IDUA: variants seen among roughly 807,000 people sequenced by gnomAD.
The protein encoded by IDUA is alpha-L-iduronidase, also known as iduronidase alpha-L-.
Under a neutral mutation model 68.9 loss-of-function variants are expected in IDUA, and 65 were observed. The observed-to-expected ratio is 0.94, with a 90% confidence interval of 0.77 to 1.16. The LOEUF is 1.16. Ranked by LOEUF, IDUA falls within the 50% of genes most tolerant of loss-of-function variation. The pLI, the probability that IDUA is intolerant of heterozygous loss-of-function variation, is 0.00. For missense variants in IDUA, 1,046 were observed against 938.0 expected (o/e 1.12, Z -1.50); for synonymous variants, 529 against 433.6 (o/e 1.22, Z -2.73).
chr4:1,003,567 C>T lies in IDUA; in HGVS notation c.1669C>T (p.Leu557=), dbSNP rs945600758. ...PPGQVTRLRA[L]PLTQGQLVLV... ...CCCCCAGGTCACGCGGCTCCGCGCC[C>T]TGCCCCTGACCCAAGGGCAGCTGGT... The change falls in exon 12 of 14, where the codon CTG becomes TTG. Residue 557 remains leucine, a synonymous_variant. Coordinates refer to ENST00000514224, the MANE Select transcript of IDUA (RefSeq NM_000203.5). 1.2e-5 allele frequency: 19 copies of T among 1,612,300 alleles called. No homozygotes were observed. Among genetic ancestry groups the T allele is most frequent in the Non-Finnish European group, 1.6e-5 (19 of 1,179,824 alleles).
chr4:1,003,500 G>A (rs1347474281), intron 11 of IDUA, 30 bp downstream of exon 11: 2 of 1,598,030 alleles, frequency 1.3e-6, no homozygotes, highest in African/African-American at 1.3e-5. Flanking sequence ...CCCGCGCCGC[G>A]GCCCGGACTC....
rs1162407071 is a variant in IDUA, at chr4:1,000,898, C to A, written c.402C>A (p.Gly134=). 1 of 1,613,188 alleles carries A rather than the reference C, an allele frequency of 6.2e-7. No individual in the cohort carries two copies. Among genetic ancestry groups the A allele is most frequent in the South Asian group, 1.1e-5 (1 of 91,084 alleles). The change falls in exon 4 of 14, where the codon GGC becomes GGA. Residue 134 remains glycine, a synonymous_variant. Coordinates refer to ENST00000514224, the MANE Select transcript of IDUA (RefSeq NM_000203.5). ...NQLLPGFELM[G]SASGHFTDFE... is the part of the protein sequence containing the mutation. ...GTGTTCCAGGGTTTGAGCTGATGGG[C>A]AGCGCCTCGGGCCACTTCACTGACT...
In IDUA at chr4:1,003,307, T is replaced by C. The variant is rs1131853; in HGVS notation, c.1525-38T>C. The C allele has an allele frequency of 0.22, 308,558 of 1,403,314 alleles. 35,057 individuals are homozygous for C. Among genetic ancestry groups the C allele is most frequent in the Middle Eastern group, 0.35 (1,340 of 3,828 alleles). 86.9% of individuals were successfully genotyped at this position (1,403,314 alleles called of 1,614,324 possible). A position where few individuals can be genotyped will look rare whatever the true frequency, so the allele number is the denominator to read the frequency against. The stretch of plus-strand genomic sequence containing the variant: ...TGAGGTCGGGCCGAGCGTCCCCAGC[T>C]CCCCTGGAGAACCCTGAGGACCGGC... On this transcript the variant is annotated intron_variant, in intron 10 of 13. Transcript: ENST00000514224.
chr4:992,510 G>A (rs1714446032), intron 2 of IDUA, among the ~76,000 whole-genome samples: 1 of 152,226 alleles, frequency 6.6e-6, no homozygotes, highest in African/African-American at 2.4e-5. Context: ...GCCTGGACGG[G>A]GGCCCCATCA....
At chr4:988,361 C>A in intron 2 of IDUA, 6 of 1,076,788 alleles carry the variant, frequency 5.6e-6, no homozygotes, top group Non-Finnish European at 6.8e-6. Context: ...GTGTGAGGGG[C>A]ACTTGGGTGT....
rs4690224 is a variant in IDUA, at chr4:1,003,085, C to T, written c.1452C>T (p.Asp484=). 3.3e-6 allele frequency: 5 copies of T among 1,519,950 alleles called. No homozygotes were observed. Among genetic ancestry groups the T allele is most frequent in the South Asian group, 2.4e-5 (2 of 81,902 alleles). 94.2% of individuals were successfully genotyped at this position (1,519,950 alleles called of 1,614,324 possible). The part of the protein sequence containing the change: ...RYLDNGLCSP[D]GEWRRLGRPV... ...TGGACAACGGGCTCTGCAGCCCCGA[C>T]GGCGAGTGGCGGCGCCTGGGCCGGC... The change falls in exon 10 of 14, where the codon GAC becomes GAT. Residue 484 remains aspartate, a synonymous_variant. Coordinates refer to ENST00000514224, the MANE Select transcript of IDUA (RefSeq NM_000203.5).
chr4:987,231 C>A lies in IDUA; in HGVS notation c.147C>A (p.Ser49Arg). The A allele has an allele frequency of 6.6e-7, 1 of 1,509,400 alleles. No individual in the cohort carries two copies. The highest frequency in any genetic ancestry group is 8.8e-7 in the Non-Finnish European group (1 of 1,136,418). 93.5% of individuals were successfully genotyped at this position (1,509,400 alleles called of 1,614,324 possible). Residue 49 changes from serine (S) to arginine (R), a missense_variant, in exon 1 of 14, where the codon AGC (serine) becomes AGA (arginine). By Grantham distance (110) the Ser-to-Arg change is moderately radical. Coordinates refer to ENST00000514224, the MANE Select transcript of IDUA (RefSeq NM_000203.5). ...GGCCCCTGCGGCGCTTCTGGAGGAG[C>A]ACAGGCTTCTGGTGAGCGCTCCGCG... is the stretch of plus-strand genomic sequence containing the variant. ...ALWPLRRFWR[S>R]TGFCPPLPHS...
chr4:1,001,577 C>G lies in IDUA; in HGVS notation c.589+14C>G. ...TGACCATGCAAGGTGTGCACCGCTT[C>G]CTGGGGTCCTGCCCGGCTGAAAGGG... On this transcript the variant is annotated intron_variant, in intron 5 of 13. Coordinates refer to ENST00000514224, the MANE Select transcript of IDUA (RefSeq NM_000203.5). The G allele has an allele frequency of 5.0e-6, 8 of 1,612,556 alleles. No homozygotes were observed. The highest frequency in any genetic ancestry group is 3.4e-6 in the Non-Finnish European group (4 of 1,179,542).
chr4:1,001,594 C>T (rs761173437), intron 5 of IDUA, 31 bp downstream of exon 5: 24 of 1,609,728 alleles, frequency 1.5e-5, no homozygotes, highest in Non-Finnish European at 2.0e-5. Flanking sequence ...TCCTGCCCGG[C>T]TGAAAGGGGG....
At chr4:994,338 T>C (rs530022845) in intron 2 of IDUA, among the ~76,000 whole-genome samples, 17 of 151,776 alleles carry the variant, frequency 1.1e-4, no homozygotes, top group East Asian at 7.8e-4. Flanking sequence ...TGCAGTGGTG[T>C]GATCTCGGCT....
intron 2 of IDUA, among the ~76,000 whole-genome samples, chr4:995,403 C>T (rs1291313485): frequency 6.6e-6 from 1 of 151,918 alleles, no homozygotes; most frequent in Non-Finnish European, 1.5e-5. Flanking sequence ...CCGACTTTGA[C>T]AGTGAGTACT....
chr4:989,516 C>A, intron 2 of IDUA: 4 of 1,554,024 alleles, frequency 2.6e-6, no homozygotes, highest in Non-Finnish European at 3.5e-6. Flanking sequence ...GCGGTGCCTG[C>A]CCAGACCAGC....
In IDUA at chr4:1,002,886, C is replaced by A; in HGVS notation, c.1344C>A (p.Ala448=). The change falls in exon 9 of 14, where the codon GCC becomes GCA. Residue 448 remains alanine (A), a synonymous_variant. Coordinates refer to ENST00000514224, the MANE Select transcript of IDUA (RefSeq NM_000203.5). ...VLIYASDDTR[A]HPNRSVAVTL... Reference sequence around the variant, plus strand: ...TCTACGCGAGCGACGACACCCGCGCCCACCCCAACCGCAGCGTCGCGGTGA... The same window carrying A: ...TCTACGCGAGCGACGACACCCGCGCACACCCCAACCGCAGCGTCGCGGTGA... 7.0e-7 allele frequency: 1 copy of A among 1,430,748 alleles called. No individual in the cohort carries two copies. 88.6% of individuals were successfully genotyped at this position (1,430,748 alleles called of 1,614,324 possible).
rs2153022703 is a variant in IDUA at position 1,002,955 on chromosome 4, G to A, written c.1402+11G>A. The stretch of plus-strand genomic sequence containing the variant: ...TGCCCCCCGGCCCGGGTAAGCCGGG[G>A]TTCCAGGGAGGTCTCTGGCCCCGCT... On this transcript the variant is annotated intron_variant, in intron 9 of 13. Coordinates refer to ENST00000514224, the MANE Select transcript of IDUA (RefSeq NM_000203.5). The A allele has an allele frequency of 3.7e-6, 5 of 1,367,490 alleles. No individual in the cohort carries two copies. The highest frequency in any genetic ancestry group is 4.7e-6 in the Non-Finnish European group (5 of 1,066,800). 84.7% of individuals were successfully genotyped at this position (1,367,490 alleles called of 1,614,324 possible).
Position 1,001,738 on chromosome 4 carries a change from C to T in IDUA, c.649C>T (p.Arg217Trp), listed in dbSNP as rs1178237301. 1.3e-6 allele frequency: 2 copies of T among 1,598,818 alleles called. No homozygotes were observed. Among genetic ancestry groups the T allele is most frequent in the Admixed American group, 1.7e-5 (1 of 59,522 alleles). Residue 217 changes from arginine to tryptophan, a missense_variant, in exon 6 of 14, where the codon CGG becomes TGG. Transcript: ENST00000514224. Reference sequence around the variant, plus strand: ...TCTGCGCGCCGCCAGCCCCGCCCTGCGGCTGGGAGGCCCCGGCGACTCCTT... The same window carrying T: ...TCTGCGCGCCGCCAGCCCCGCCCTGTGGCTGGGAGGCCCCGGCGACTCCTT... ...EGLRAASPAL[R>W]LGGPGDSFHT...
intron 2 of IDUA, chr4:988,347 C>T (rs576223950): frequency 1.7e-5 from 18 of 1,085,194 alleles, no homozygotes; most frequent in East Asian, 7.1e-5. Context: ...GGGGGAGGCA[C>T]GAGGTGTGAG....
At position 987,103 on chromosome 4, in the gene IDUA, C is replaced by G. The variant is rs758122214; in HGVS notation, c.19C>G (p.Arg7Gly). The change falls in exon 1 of 14, where the codon CGC (arginine) becomes GGC (glycine). Residue 7 changes from arginine to glycine, a missense_variant. By Grantham distance (125) the Arg-to-Gly change is moderately radical (BLOSUM62 -2). Transcript: ENST00000514224. Reference protein sequence around the residue: MRPLRPRAALLALLASL... With the variant: MRPLRPGAALLALLASL... ...CGTGGCCATGCGTCCCCTGCGCCCC[C>G]GCGCCGCGCTGCTGGCGCTCCTGGC... is the stretch of plus-strand genomic sequence containing the variant. 1 of 1,458,204 alleles carries G rather than the reference C, an allele frequency of 6.9e-7. No homozygotes were observed. The highest frequency in any genetic ancestry group is 2.4e-5 in the Admixed American group (1 of 41,402). 90.3% of individuals were successfully genotyped at this position (1,458,204 alleles called of 1,614,324 possible).
intron 8 of IDUA, 39 bp downstream of exon 8, chr4:1,002,524 C>G: frequency 1.4e-6 from 2 of 1,448,824 alleles, no homozygotes; most frequent in South Asian, 1.4e-5. Flanking sequence ...CCAGGGCCCT[C>G]CAGGCTGGGG....
chr4:999,439 G>A (rs542420680), intron 2 of IDUA, among the ~76,000 whole-genome samples: 21 of 152,314 alleles, frequency 1.4e-4, no homozygotes, highest in South Asian at 1.2e-3. Context: ...TTGCACTGGC[G>A]ATGCCATCTG....
Sources: allele counts gnomAD v4.1 joint callset (sites outside exome capture counted in the v4.1 genomes callset), GRCh38; gene constraint gnomAD v4.1.1; transcripts MANE v1.5; gene names NCBI Gene and HGNC (gene_info 2026-07-23, HGNC 2026-07-21).